The following COL13A1 variants were observed in gnomAD, a reference collection of about 807,000 sequenced individuals.
COL13A1 encodes collagen type XIII alpha 1 chain, also known as collagen alpha-1(XIII) chain.
A neutral mutation model predicts 130.9 loss-of-function variants in COL13A1; 89 were observed. The observed-to-expected ratio is 0.68, with a 90% CI of 0.57 to 0.81. COL13A1 has a LOEUF of 0.81. COL13A1 is among the 30% of genes least tolerant of loss of function. The pLI, the probability that COL13A1 is intolerant of heterozygous loss-of-function variation, is 0.00. For synonymous variants in COL13A1, 402 were observed against 341.6 expected (o/e 1.18, Z -1.95); for missense variants, 879 against 934.6 (o/e 0.94, Z 0.78).
chr10:69,821,345 A>T (rs1246259412), intron 1 of COL13A1, among the ~76,000 whole-genome samples: 1 of 152,222 alleles, frequency 6.6e-6, no homozygotes, highest in Non-Finnish European at 1.5e-5. Flanking sequence ...CATGAGCATC[A>T]CAGTGTGGGT....
intron 1 of COL13A1, among the ~76,000 whole-genome samples, chr10:69,815,695 C>T (rs1844300244): frequency 6.6e-6 from 1 of 152,150 alleles, no homozygotes; most frequent in Admixed American, 6.5e-5. Context: ...GACAGGTCTC[C>T]CATTGTGCAA....
chr10:69,879,650 A>G (rs2059936412), intron 6 of COL13A1, among the ~76,000 whole-genome samples: 1 of 152,240 alleles, frequency 6.6e-6, no homozygotes, highest in Non-Finnish European at 1.5e-5. Context: ...CGCTCTCAGC[A>G]TTCCTGTTCC....
intron 2 of COL13A1, among the ~76,000 whole-genome samples, chr10:69,847,463 C>T (rs1853472171): frequency 6.6e-6 from 1 of 152,242 alleles, no homozygotes; most frequent in South Asian, 2.1e-4. Context: ...AGTAGGCCCT[C>T]AGCACGAGTA....
intron 1 of COL13A1, among the ~76,000 whole-genome samples, chr10:69,807,457 C>T (rs766446362): frequency 3.9e-5 from 6 of 152,160 alleles, no homozygotes; most frequent in Non-Finnish European, 7.3e-5. Flanking sequence ...CATGTTTATA[C>T]GGTGTGTGAT....
At chr10:69,821,575 T>C (rs16926919) in intron 1 of COL13A1, among the ~76,000 whole-genome samples, 3,883 of 152,364 alleles carry the variant, frequency 0.025, 81 homozygotes, top group African/African-American at 0.039. Flanking sequence ...GTCTGAGAAC[T>C]GTGTGTTAGT....
At chr10:69,840,904 G>T (rs1252576995) in intron 2 of COL13A1, among the ~76,000 whole-genome samples, 1 of 151,792 alleles carries the variant, frequency 6.6e-6, no homozygotes, top group Non-Finnish European at 1.5e-5. Context: ...CAGAACCCCG[G>T]GCGCCAGAGC....
intron 12 of COL13A1, 56 bp downstream of exon 12, chr10:69,894,757 G>T: frequency 6.2e-7 from 1 of 1,600,132 alleles, no homozygotes; most frequent in Non-Finnish European, 8.6e-7. Flanking sequence ...CCTCCCAGTT[G>T]GTAGAAAGGG....
chr10:69,892,498 A>G (rs765700120), intron 10 of COL13A1, among the ~76,000 whole-genome samples: 1 of 152,238 alleles, frequency 6.6e-6, no homozygotes, highest in Non-Finnish European at 1.5e-5. Flanking sequence ...CAGGAATGAC[A>G]TAAGGGCTGT....
At chr10:69,803,370 T>G (rs897744202) in intron 1 of COL13A1, among the ~76,000 whole-genome samples, 1 of 152,266 alleles carries the variant, frequency 6.6e-6, no homozygotes, top group African/African-American at 2.4e-5. Flanking sequence ...CAAATTTTTT[T>G]GATCCAAGTA....
chr10:69,816,823 T>A (rs183749343), intron 1 of COL13A1, among the ~76,000 whole-genome samples: 7 of 152,148 alleles, frequency 4.6e-5, no homozygotes, highest in African/African-American at 1.7e-4. Context: ...GCAGGACAGT[T>A]CTTAGGGGAC....
chr10:69,884,222 T>C lies in COL13A1; in HGVS notation c.514-3234T>C, dbSNP rs116142825. 5.9e-3 allele frequency among the ~76,000 whole-genome samples: 896 copies of C among 152,300 alleles called. 5 individuals carry two copies. The highest frequency in any genetic ancestry group is 0.02 in the African/African-American group (846 of 41,568). On this transcript the variant is annotated intron_variant, in intron 7 of 40. Coordinates refer to ENST00000645393, the MANE Select transcript of COL13A1 (RefSeq NM_001368882.1). ...TTGGACGGCTGGCAAGAGTGGACCA[T>C]GCACACCTCACCTCCTCCCAGCTGC...
chr10:69,825,835 C>T (rs1187131404), intron 2 of COL13A1, among the ~76,000 whole-genome samples: 1 of 152,206 alleles, frequency 6.6e-6, no homozygotes, highest in African/African-American at 2.4e-5. Flanking sequence ...TCCTGGGATC[C>T]TCCCTGTCCC....
chr10:69,860,776 G>A (rs12573749), intron 2 of COL13A1: 52,892 of 229,946 alleles, frequency 0.23, 6,759 homozygotes, highest in East Asian at 0.35. Context: ...AGGGATGTGG[G>A]ACTCTGGCAT....
chr10:69,915,550 C>T (rs1160586801), intron 17 of COL13A1, among the ~76,000 whole-genome samples: 1 of 152,204 alleles, frequency 6.6e-6, no homozygotes, highest in Non-Finnish European at 1.5e-5. Context: ...GCTAAGTGGT[C>T]CCTGTCGCAT....
intron 17 of COL13A1, among the ~76,000 whole-genome samples, chr10:69,906,948 C>T (rs2062823705): frequency 6.6e-6 from 1 of 152,110 alleles, no homozygotes; most frequent in African/African-American, 2.4e-5. Context: ...CCAGGATGGT[C>T]TCGGTCTCTT....
At chr10:69,819,478 C>T (rs1247342836) in intron 1 of COL13A1, among the ~76,000 whole-genome samples, 1 of 152,204 alleles carries the variant, frequency 6.6e-6, no homozygotes, top group African/African-American at 2.4e-5. Context: ...ACAGAGGCCC[C>T]AGCTGGTCCT....
At chr10:69,863,530 A>G (rs1158396673) in intron 2 of COL13A1, among the ~76,000 whole-genome samples, 2 of 152,110 alleles carry the variant, frequency 1.3e-5, no homozygotes, top group East Asian at 3.9e-4. Context: ...GGTTCAGATG[A>G]CACTGAACTT....
intron 1 of COL13A1, among the ~76,000 whole-genome samples, chr10:69,810,390 C>CAGAGAGAGAGAG (rs1842741165): frequency 9.4e-6 from 1 of 106,136 alleles, no homozygotes; most frequent in African/African-American, 3.2e-5. Flanking sequence ...GACAGAGAGT[C>CAGAGAGAGAGAG]TGTGTGGCCC....
intron 2 of COL13A1, among the ~76,000 whole-genome samples, chr10:69,837,203 G>A (rs969665966): frequency 2.0e-5 from 3 of 152,226 alleles, no homozygotes; most frequent in African/African-American, 7.2e-5. Flanking sequence ...GGGTGTTCGG[G>A]AATCTGGACA....
Sources: gnomAD v4.1 joint callset for allele counts (sites outside exome capture counted in the v4.1 genomes callset) on GRCh38, gnomAD v4.1.1 for gene constraint, MANE v1.5 for transcripts, NCBI Gene and HGNC (gene_info 2026-07-23, HGNC 2026-07-21) for gene names.